The following UTRN variants were observed in gnomAD, a reference collection of about 807,000 sequenced individuals.
The protein encoded by UTRN is dystrophin-related protein 1.
UTRN carries 283 observed loss-of-function variants against 463.9 expected under a neutral mutation model. That is an observed-to-expected ratio of 0.61 (90% confidence interval 0.55 to 0.67). The LOEUF is 0.67. UTRN is among the 30% of genes least tolerant of loss of function. UTRN has a pLI of 0.00. For synonymous variants in UTRN, 1,442 were observed against 1,431.5 expected (o/e 1.01, Z -0.17); for missense variants, 3,922 against 4,084.3 (o/e 0.96, Z 1.08).
chr6:144,466,616 CT>C (rs931568554), intron 23 of UTRN, among the ~76,000 whole-genome samples: 4 of 152,136 alleles, frequency 2.6e-5, no homozygotes, highest in Non-Finnish European at 4.4e-5. Flanking sequence ...ATGGGTATTT[CT>C]TTTTTCCATT....
chr6:144,487,522 A>ATT, intron 28 of UTRN, 26 bp from the exon 29 acceptor site: 3 of 1,549,188 alleles, frequency 1.9e-6, no homozygotes, highest in Admixed American at 1.8e-5. Flanking sequence ...ATGCATTATT[A>ATT]TTTTTTTTTC....
chr6:144,580,955 A>G (rs899108525), intron 51 of UTRN, among the ~76,000 whole-genome samples: 4 of 152,240 alleles, frequency 2.6e-5, no homozygotes, highest in African/African-American at 9.6e-5. Context: ...ATGACTCAAT[A>G]GTATACATAG....
At chr6:144,703,339 T>G (rs1784774014) in intron 53 of UTRN, among the ~76,000 whole-genome samples, 1 of 152,152 alleles carries the variant, frequency 6.6e-6, no homozygotes, top group African/African-American at 2.4e-5. Context: ...GTTGGATATA[T>G]AAATCTGAAG....
At chr6:144,668,878 G>C (rs1004346971) in intron 51 of UTRN, among the ~76,000 whole-genome samples, 1 of 152,180 alleles carries the variant, frequency 6.6e-6, no homozygotes, top group Admixed American at 6.5e-5. Flanking sequence ...AAGGACAATA[G>C]AACTATGGTG....
At chr6:144,684,944 C>CT (rs1364085083) in intron 52 of UTRN, among the ~76,000 whole-genome samples, 1 of 152,176 alleles carries the variant, frequency 6.6e-6, no homozygotes, top group South Asian at 2.1e-4. Context: ...GCGGTGAAGT[C>CT]TGAGATTTTA....
At chr6:144,803,579 T>C (rs2128747432) in intron 65 of UTRN, among the ~76,000 whole-genome samples, 1 of 152,144 alleles carries the variant, frequency 6.6e-6, no homozygotes, top group Non-Finnish European at 1.5e-5. Context: ...GGTTTTAAGA[T>C]TCTATTTATA....
intron 51 of UTRN, among the ~76,000 whole-genome samples, chr6:144,580,976 G>A (rs1301235666): frequency 6.6e-6 from 1 of 152,208 alleles, no homozygotes; most frequent in Non-Finnish European, 1.5e-5. Flanking sequence ...ACTGAGGAAG[G>A]GGAAAGGCAG....
intron 33 of UTRN, 22 bp downstream of exon 33, chr6:144,493,478 C>T: frequency 6.2e-7 from 1 of 1,604,104 alleles, no homozygotes; most frequent in Non-Finnish European, 8.5e-7. Flanking sequence ...AGCCCCACAG[C>T]TCATCTCTCT....
intron 50 of UTRN, among the ~76,000 whole-genome samples, chr6:144,574,179 G>T (rs76156594): frequency 6.6e-6 from 1 of 152,166 alleles, no homozygotes; most frequent in Non-Finnish European, 1.5e-5. Context: ...AAGAAAACTA[G>T]GGGATAAAGT....
At chr6:144,433,043 TTC>T (rs1398030197) in intron 9 of UTRN, among the ~76,000 whole-genome samples, 23 of 152,222 alleles carry the variant, frequency 1.5e-4, no homozygotes, top group African/African-American at 5.5e-4. Flanking sequence ...AGAAGAATTT[TTC>T]TTAGTACAGA....
At chr6:144,462,534 T>G in intron 22 of UTRN, 120 bp from the exon 23 acceptor site, 1 of 917,014 alleles carries the variant, frequency 1.1e-6, no homozygotes, top group Non-Finnish European at 1.6e-6. Context: ...ACTGTTCTTT[T>G]TAGATAAAAA....
At chr6:144,453,426 C>A (rs1476911184) in intron 18 of UTRN, among the ~76,000 whole-genome samples, 1 of 152,078 alleles carries the variant, frequency 6.6e-6, no homozygotes, top group African/African-American at 2.4e-5. Flanking sequence ...CCCAGCCTAT[C>A]CTTTTTTCTT....
At chr6:144,327,864 A>G (rs1267726487) in intron 2 of UTRN, among the ~76,000 whole-genome samples, 1 of 152,110 alleles carries the variant, frequency 6.6e-6, no homozygotes, top group Admixed American at 6.6e-5. Context: ...GAATCACTTG[A>G]ACCCGGGAGG....
intron 34 of UTRN, among the ~76,000 whole-genome samples, chr6:144,506,022 T>G (rs1191603638): frequency 6.6e-6 from 1 of 152,178 alleles, no homozygotes; most frequent in African/African-American, 2.4e-5. Flanking sequence ...CTTCTTTGTC[T>G]TTTTTGATCT....
chr6:144,818,663 T>C (rs1252452140), intron 65 of UTRN, among the ~76,000 whole-genome samples: 1 of 152,254 alleles, frequency 6.6e-6, no homozygotes, highest in Non-Finnish European at 1.5e-5. Flanking sequence ...CTTATTCTTA[T>C]ACACGGGTCC....
At chr6:144,808,280 A>G (rs987048421) in intron 65 of UTRN, among the ~76,000 whole-genome samples, 1 of 151,248 alleles carries the variant, frequency 6.6e-6, no homozygotes, top group Non-Finnish European at 1.5e-5. Context: ...AGAGTAGTCA[A>G]TTTTTTTTTG....
At chr6:144,662,701 T>A (rs1008129638) in intron 51 of UTRN, among the ~76,000 whole-genome samples, 2 of 152,214 alleles carry the variant, frequency 1.3e-5, no homozygotes, top group Non-Finnish European at 2.9e-5. Flanking sequence ...CGCTTAGTAG[T>A]TGAGGCCAAC....
At chr6:144,699,593 C>CCT (rs548110412) in intron 52 of UTRN, among the ~76,000 whole-genome samples, 86 of 132,656 alleles carry the variant, frequency 6.5e-4, no homozygotes, top group African/African-American at 2.1e-3. Flanking sequence ...TGGTTATTTT[C>CCT]CTCTCTCTCT....
intron 41 of UTRN, among the ~76,000 whole-genome samples, chr6:144,525,982 T>C (rs1242573585): frequency 6.6e-6 from 1 of 152,196 alleles, no homozygotes; most frequent in Non-Finnish European, 1.5e-5. Context: ...TCCATATATT[T>C]GCATGGTTTT....
Sources: gnomAD v4.1 joint callset for allele counts (sites outside exome capture counted in the v4.1 genomes callset) on GRCh38, gnomAD v4.1.1 for gene constraint, MANE v1.5 for transcripts, NCBI Gene and HGNC (gene_info 2026-07-23, HGNC 2026-07-21) for gene names.